The following PTPN1 variants were observed in gnomAD, a reference collection of about 807,000 sequenced individuals.
PTPN1 encodes tyrosine-protein phosphatase non-receptor type 1.
A neutral mutation model predicts 59.9 loss-of-function variants in PTPN1; 12 were observed. The ratio of observed to expected loss-of-function variants is 0.20; its 90% CI spans 0.13 to 0.32. The LOEUF is 0.32. Ranked by LOEUF, PTPN1 falls within the 10% of genes least tolerant of loss-of-function variation. The pLI, the probability that PTPN1 is intolerant of heterozygous loss-of-function variation, is 1.00. For missense variants in PTPN1, 356 were observed against 549.2 expected, an observed-to-expected ratio of 0.65 and a Z score of 3.52; for synonymous variants, 178 against 203.6, an observed-to-expected ratio of 0.87 and a Z score of 1.07.
intron 1 of PTPN1, among the ~76,000 whole-genome samples, chr20:50,525,753 GT>G (rs370584639): frequency 4.6e-4 from 68 of 149,342 alleles, no homozygotes; most frequent in African/African-American, 1.1e-3. Context: ...TGAATGATGA[GT>G]TTTTTTTTTC....
chr20:50,548,487 A>G lies in PTPN1; in HGVS notation c.64-12876A>G, dbSNP rs534086067. ...TGCCACCAGGCCGGAGTGCAGTGACATAGTCATAGCTCACTGCAGCCTCAA... is the reference window on the plus strand; with the variant it reads ...TGCCACCAGGCCGGAGTGCAGTGACGTAGTCATAGCTCACTGCAGCCTCAA... On this transcript the variant is annotated intron_variant, in intron 1 of 9. Transcript: ENST00000371621. Among the ~76,000 whole-genome samples, 113 of 151,460 alleles carry G rather than the reference A, an allele frequency of 7.5e-4. 1 individual carries two copies. Among genetic ancestry groups the G allele is most frequent in the Non-Finnish European group, 2.4e-4 (16 of 67,908 alleles).
At chr20:50,534,705 C>T (rs1456624628) in intron 1 of PTPN1, among the ~76,000 whole-genome samples, 1 of 152,044 alleles carries the variant, frequency 6.6e-6, no homozygotes, top group Non-Finnish European at 1.5e-5. Context: ...AGTTGACTGC[C>T]AAGTCCTCCA....
chr20:50,553,971 A>G (rs1314672054), intron 1 of PTPN1, among the ~76,000 whole-genome samples: 1 of 152,220 alleles, frequency 6.6e-6, no homozygotes, highest in African/African-American at 2.4e-5. Flanking sequence ...CCTCAGTGAC[A>G]TATGGAACAA....
intron 1 of PTPN1, among the ~76,000 whole-genome samples, chr20:50,541,644 A>G (rs1414881658): frequency 6.6e-6 from 1 of 152,098 alleles, no homozygotes. Flanking sequence ...CTTTTGTGTG[A>G]TGGCAAGAAC....
chr20:50,575,990 C>T (rs1471544132), intron 5 of PTPN1, among the ~76,000 whole-genome samples: 1 of 152,104 alleles, frequency 6.6e-6, no homozygotes, highest in Non-Finnish European at 1.5e-5. Context: ...GTTACCAGGA[C>T]GTAGGCAAGG....
rs1000972207 is a variant in PTPN1, at chr20:50,584,834, A to G, written c.*2119A>G. ...GGATGAGTAACTCCTGTTTCTTTCT[A>G]TCCCTGCTGATGTGAAACAGATGTT... On this transcript the variant is annotated 3_prime_UTR_variant, in exon 10 of 10. Coordinates refer to ENST00000371621, the MANE Select transcript of PTPN1 (RefSeq NM_002827.4). 2.6e-5 allele frequency: 4 copies of G among 152,230 alleles called. No homozygotes were observed. The highest frequency in any genetic ancestry group is 4.1e-4 in the South Asian group (2 of 4,822). The allele number at this position is 152,230 out of a possible 1,614,324, so 9.4% of individuals were successfully genotyped here. A position where few individuals can be genotyped will look rare whatever the true frequency, so the allele number is the denominator to read the frequency against.
chr20:50,582,922 T>C lies in PTPN1; in HGVS notation c.*207T>C. 1 of 614,352 alleles carries C rather than the reference T, an allele frequency of 1.6e-6. No individual in the cohort carries two copies. Among genetic ancestry groups the C allele is most frequent in the Non-Finnish European group, 2.9e-6 (1 of 346,540 alleles). The allele number at this position is 614,352 out of a possible 1,614,324, so 38.1% of individuals were successfully genotyped here. ...CTTTTACTTTTTGCCCCTTCCACTT[T>C]GAGTACCAAATCCACAAGCCATTTT... is the stretch of plus-strand genomic sequence containing the variant. On this transcript the variant is annotated 3_prime_UTR_variant, in exon 10 of 10. Transcript: ENST00000371621. This position sits in a 1 kb window ranked among gnomAD's most constrained non-coding sequence, Gnocchi z 4.2.
chr20:50,510,511 A>C lies in PTPN1; in HGVS notation c.-17A>C, dbSNP rs1296161423. 14 of 1,548,980 alleles carry C rather than the reference A, an allele frequency of 9.0e-6. No individual in the cohort carries two copies. The Admixed American group carries it at 2.8e-4, about 31-fold the overall frequency. On this transcript the variant is annotated 5_prime_UTR_variant, in exon 1 of 10. Coordinates refer to ENST00000371621, the MANE Select transcript of PTPN1 (RefSeq NM_002827.4). ...CAGTGGGCCGAGAAGGAGGCGCAGC[A>C]GCCGCCCTGGCCCGTCATGGAGATG...
chr20:50,580,573 G>A (rs1470986081), intron 8 of PTPN1, among the ~76,000 whole-genome samples: 5 of 152,272 alleles, frequency 3.3e-5, no homozygotes, highest in East Asian at 1.9e-4. Context: ...GGCCGTGCAC[G>A]GAAAGTTTGC....
chr20:50,538,717 A>G lies in PTPN1; in HGVS notation c.64-22646A>G, dbSNP rs2082634900. Among the ~76,000 whole-genome samples, 5 of 152,316 alleles carry G rather than the reference A, an allele frequency of 3.3e-5. No individual in the cohort carries two copies. In the South Asian group the frequency reaches 8.3e-4, roughly 25 times the overall value. Reference sequence around the variant, plus strand: ...TTCTAATAGTTGCTTCTATACTATTATCTTTATTATATGCCCTTCATCTTC... The same window carrying G: ...TTCTAATAGTTGCTTCTATACTATTGTCTTTATTATATGCCCTTCATCTTC... On this transcript the variant is annotated intron_variant, in intron 1 of 9. Transcript: ENST00000371621.
At chr20:50,510,873 C>T (rs1032053216) in intron 1 of PTPN1, among the ~76,000 whole-genome samples, 2 of 152,012 alleles carry the variant, frequency 1.3e-5, no homozygotes. Context: ...GTGCTCTCAA[C>T]GCGAATCCCT....
rs1286311808 is a variant in PTPN1 at position 50,568,327 on chromosome 20, C to CTGT, written c.256-52_256-50dup. 2 of 1,507,876 alleles carry CTGT rather than the reference C, an allele frequency of 1.3e-6. No individual in the cohort carries two copies. Among genetic ancestry groups the CTGT allele is most frequent in the Non-Finnish European group, 9.2e-7 (1 of 1,083,822 alleles). The allele number at this position is 1,507,876 out of a possible 1,614,324, so 93.4% of individuals were successfully genotyped here. A position where few individuals can be genotyped will look rare whatever the true frequency, so the allele number is the denominator to read the frequency against. The stretch of plus-strand genomic sequence containing the variant: ...GCTGACTGCAGAAGGTGAGCACACG[C>CTGT]TGTAGCATGTTATGTTTCAGATGTC... On this transcript the variant is annotated intron_variant, in intron 3 of 9. Coordinates refer to ENST00000371621, the MANE Select transcript of PTPN1 (RefSeq NM_002827.4). The surrounding 1 kb of genome is among the most constrained non-coding windows in gnomAD (Gnocchi z 5.6).
intron 1 of PTPN1, among the ~76,000 whole-genome samples, chr20:50,537,377 C>T (rs934927035): frequency 1.3e-5 from 2 of 152,008 alleles, no homozygotes; most frequent in Non-Finnish European, 2.9e-5. Flanking sequence ...AGAGAGATCC[C>T]ATGTGCGCTT....
At chr20:50,517,596 C>A (rs558948653) in intron 1 of PTPN1, among the ~76,000 whole-genome samples, 1 of 152,022 alleles carries the variant, frequency 6.6e-6, no homozygotes, top group African/African-American at 2.4e-5. Context: ...TGACATCGTT[C>A]GATTTACTGA....
chr20:50,544,383 T>A (rs2122755141), intron 1 of PTPN1, among the ~76,000 whole-genome samples: 1 of 151,622 alleles, frequency 6.6e-6, no homozygotes, highest in Non-Finnish European at 1.5e-5. Flanking sequence ...CTCGAACTCC[T>A]GGGCCCAAGC....
At chr20:50,513,545 G>A (rs2082516124) in intron 1 of PTPN1, among the ~76,000 whole-genome samples, 1 of 152,192 alleles carries the variant, frequency 6.6e-6, no homozygotes, top group African/African-American at 2.4e-5. Flanking sequence ...CATTGTGAAT[G>A]ATTTGATTGT....
In PTPN1 at chr20:50,564,505, A is replaced by C. The variant is rs112484171; in HGVS notation, c.155-464A>C. 3.6e-3 allele frequency among the ~76,000 whole-genome samples: 552 copies of C among 152,228 alleles called. 2 individuals are homozygous for C. The highest frequency in any genetic ancestry group is 0.012 in the African/African-American group (517 of 41,538). On this transcript the variant is annotated intron_variant, in intron 2 of 9. Coordinates refer to ENST00000371621, the MANE Select transcript of PTPN1 (RefSeq NM_002827.4). The stretch of plus-strand genomic sequence containing the variant: ...GCTACTCGGGAGGCTGAGGCAGGAG[A>C]AACATTTGAATCCGGGAGATGGAGG...
chr20:50,551,064 A>C (rs1410599800), intron 1 of PTPN1, among the ~76,000 whole-genome samples: 1 of 152,184 alleles, frequency 6.6e-6, no homozygotes, highest in Non-Finnish European at 1.5e-5. Context: ...CTTTTTGCCT[A>C]ATTGAGTTTG....
chr20:50,515,546 C>G (rs1406773961), intron 1 of PTPN1, among the ~76,000 whole-genome samples: 3 of 152,188 alleles, frequency 2.0e-5, no homozygotes, highest in Non-Finnish European at 4.4e-5. Flanking sequence ...CCTGCCTTGG[C>G]CTCCCAGAGT....
Sources: gnomAD v4.1 joint callset for allele counts (sites outside exome capture counted in the v4.1 genomes callset) on GRCh38, gnomAD v4.1.1 for gene constraint, Gnocchi (gnomAD v3.1) non-coding constraint, MANE v1.5 for transcripts, NCBI Gene and HGNC (gene_info 2026-07-23, HGNC 2026-07-21) for gene names.